Variants in ADAMTS17 observed in about 807,000 individuals in gnomAD.
The protein encoded by ADAMTS17 is ADAM metallopeptidase with thrombospondin type 1 motif 17.
In ADAMTS17, 113 loss-of-function variants were observed where a neutral mutation model predicts 141.5. That is an observed-to-expected ratio of 0.80 (90% CI 0.69 to 0.93). The LOEUF (loss-of-function observed/expected upper bound fraction) is 0.93. Among genes scored for constraint, ADAMTS17 ranks in the 40% least tolerant of loss-of-function variants. The probability of loss-of-function intolerance (pLI) is 0.00; values close to 1 mark genes in which losing one functional copy is unlikely to be tolerated. For missense variants in ADAMTS17, 1,659 were observed against 1,517.9 expected (o/e 1.09, Z -1.54); for synonymous variants, 768 against 630.6 (o/e 1.22, Z -3.27).
intron 12 of ADAMTS17, among the ~76,000 whole-genome samples, chr15:100,125,689 G>A (rs1015155664): frequency 6.6e-6 from 1 of 152,132 alleles, no homozygotes; most frequent in Non-Finnish European, 1.5e-5. Flanking sequence ...GTCTTCTGAC[G>A]TAACTCCCAC....
intron 3 of ADAMTS17, among the ~76,000 whole-genome samples, chr15:100,287,072 C>T (rs1270504808): frequency 6.6e-6 from 1 of 152,148 alleles, no homozygotes; most frequent in Non-Finnish European, 1.5e-5. Flanking sequence ...CCTGTAGTCC[C>T]AGCTACTCAG....
chr15:100,088,289 G>A (rs929234375), intron 15 of ADAMTS17, among the ~76,000 whole-genome samples: 1 of 152,228 alleles, frequency 6.6e-6, no homozygotes, highest in Non-Finnish European at 1.5e-5. Flanking sequence ...CAAGGGATGT[G>A]AAGGACCTTT....
chr15:100,255,641 C>CACACACACACACACACACACACACAG (rs1432309161), intron 6 of ADAMTS17, among the ~76,000 whole-genome samples: 15 of 151,844 alleles, frequency 9.9e-5, no homozygotes, highest in African/African-American at 2.7e-4. Flanking sequence ...CACACACACA[C>CACACACACACACACACACACACACAG]AGCTGGCCCA....
At chr15:100,313,461 T>G (rs1022854809) in intron 3 of ADAMTS17, among the ~76,000 whole-genome samples, 3 of 152,228 alleles carry the variant, frequency 2.0e-5, no homozygotes, top group African/African-American at 7.2e-5. Flanking sequence ...GTTTGGAAGA[T>G]TTGATACCCA....
rs113377170 is a variant in ADAMTS17 at position 100,153,228 on chromosome 15, A to G, written c.1323-466T>C. On this transcript the variant is annotated intron_variant, in intron 9 of 21. Transcript: ENST00000268070. ...CAGGTTCTTTTCGAGTGCTTGTGGG[A>G]CCTCGGTGTCTCACTTGACCACGCT... Among the ~76,000 whole-genome samples, 258 of 152,200 alleles carry G rather than the reference A, an allele frequency of 1.7e-3. 1 individual carries two copies. Among genetic ancestry groups the G allele is most frequent in the African/African-American group, 5.9e-3 (246 of 41,518 alleles).
chr15:100,305,695 T>C (rs1285062467), intron 3 of ADAMTS17, among the ~76,000 whole-genome samples: 1 of 152,134 alleles, frequency 6.6e-6, no homozygotes, highest in East Asian at 1.9e-4. Flanking sequence ...ATCGTGAGGG[T>C]GGTTTTACTG....
At chr15:100,051,429 A>G in intron 17 of ADAMTS17, 143 bp downstream of exon 17, 1 of 1,223,390 alleles carries the variant, frequency 8.2e-7, no homozygotes, top group Non-Finnish European at 1.2e-6. Flanking sequence ...TATTCTGCAG[A>G]GAGATTTTCG....
At chr15:99,977,127 A>G (rs1469829) in intron 20 of ADAMTS17, among the ~76,000 whole-genome samples, 91,616 of 151,412 alleles carry the variant, frequency 0.61, 28,204 homozygotes, top group Non-Finnish European at 0.66. Flanking sequence ...GAATTAAGTA[A>G]AAGAAAACAA....
intron 15 of ADAMTS17, among the ~76,000 whole-genome samples, chr15:100,085,051 A>G (rs1030782747): frequency 5.3e-5 from 8 of 152,182 alleles, no homozygotes; most frequent in Admixed American, 5.2e-4. Flanking sequence ...CTCCAAGCTA[A>G]AGGAGGAAGT....
intron 3 of ADAMTS17, among the ~76,000 whole-genome samples, chr15:100,326,584 T>C (rs1486144087): frequency 6.6e-6 from 1 of 152,200 alleles, no homozygotes; most frequent in African/African-American, 2.4e-5. Flanking sequence ...ATGTCCTAAA[T>C]CTACTCCAGA....
intron 18 of ADAMTS17, among the ~76,000 whole-genome samples, chr15:100,036,074 C>G (rs1437137534): frequency 6.6e-6 from 1 of 152,116 alleles, no homozygotes; most frequent in Admixed American, 6.5e-5. Context: ...CTCGGGATGG[C>G]TTTTCTATGA....
chr15:100,341,787 G>A (rs776657451), intron 1 of ADAMTS17, 34 bp downstream of exon 1: 83 of 1,544,108 alleles, frequency 5.4e-5, no homozygotes, highest in Non-Finnish European at 6.7e-5. Flanking sequence ...GCCGCAGGAC[G>A]CGGGGTGAAG....
intron 18 of ADAMTS17, among the ~76,000 whole-genome samples, chr15:100,046,755 A>C (rs1315348872): frequency 1.3e-5 from 2 of 152,122 alleles, no homozygotes; most frequent in African/African-American, 4.8e-5. Context: ...TAATCTCTTA[A>C]TCCTGTCAAT....
chr15:99,988,240 G>A (rs546516023), intron 20 of ADAMTS17, among the ~76,000 whole-genome samples: 12 of 152,214 alleles, frequency 7.9e-5, no homozygotes, highest in Admixed American at 1.3e-4. Flanking sequence ...TCACGGGCAC[G>A]AGTCCCTCAG....
chr15:100,270,410 T>C (rs755712978), intron 4 of ADAMTS17, among the ~76,000 whole-genome samples: 3 of 152,206 alleles, frequency 2.0e-5, no homozygotes, highest in Non-Finnish European at 2.9e-5. Flanking sequence ...ATTATATTTA[T>C]GCATAAACAC....
rs549130684 is a variant in ADAMTS17, at chr15:100,253,929, C to G, written c.1075+207G>C. ...CACTCTTCATAGCTTCCTTAATGACCCTTCATCTAGATGCCTTCTGCCATC... is the reference window on the plus strand; with the variant it reads ...CACTCTTCATAGCTTCCTTAATGACGCTTCATCTAGATGCCTTCTGCCATC... On this transcript the variant is annotated intron_variant, in intron 7 of 21. Coordinates refer to ENST00000268070, the MANE Select transcript of ADAMTS17 (RefSeq NM_139057.4). Among the ~76,000 whole-genome samples, 3 of 152,210 alleles carry G rather than the reference C, an allele frequency of 2.0e-5. 1 individual carries two copies. The South Asian group carries it at 6.2e-4, about 32-fold the overall frequency.
Position 100,082,190 on chromosome 15 carries a change from C to T in ADAMTS17, c.2137+14166G>A, listed in dbSNP as rs571412477. Among the ~76,000 whole-genome samples, 102 of 152,132 alleles carry T rather than the reference C, an allele frequency of 6.7e-4. 1 individual carries two copies. The highest frequency in any genetic ancestry group is 1.2e-3 in the Non-Finnish European group (84 of 67,992). ...AAGCGATTCTCCTGCCTCGGCCTCC[C>T]GAGTAGCTGGGACTACAGGCACGTG... On this transcript the variant is annotated intron_variant, in intron 15 of 21. Coordinates refer to ENST00000268070, the MANE Select transcript of ADAMTS17 (RefSeq NM_139057.4).
At chr15:100,014,152 G>T (rs1444739358) in intron 18 of ADAMTS17, among the ~76,000 whole-genome samples, 1 of 152,012 alleles carries the variant, frequency 6.6e-6, no homozygotes, top group East Asian at 1.9e-4. Flanking sequence ...TCTCTTCTAG[G>T]TTTTCTAGTT....
intron 8 of ADAMTS17, among the ~76,000 whole-genome samples, chr15:100,171,093 A>G (rs1171609314): frequency 1.3e-5 from 2 of 152,012 alleles, no homozygotes; most frequent in Admixed American, 1.3e-4. Flanking sequence ...AGCCCCCAGC[A>G]CTTCCTATAC....
Sources: gnomAD v4.1 joint callset for allele counts (sites outside exome capture counted in the v4.1 genomes callset) on GRCh38, gnomAD v4.1.1 for gene constraint, MANE v1.5 for transcripts, NCBI Gene and HGNC (gene_info 2026-07-23, HGNC 2026-07-21) for gene names.